The following RP1L1 variants were observed in gnomAD, a reference collection of about 807,000 sequenced individuals.
RP1L1 encodes RP1 like 1, also known as retinitis pigmentosa 1-like 1 protein.
In RP1L1, 27 loss-of-function variants were observed where a neutral mutation model predicts 15.7. That is an observed-to-expected ratio of 1.72 (90% CI 1.27 to 2.38). RP1L1 has a LOEUF of 2.38. RP1L1 is among the 30% of genes most tolerant of loss of function. RP1L1 has a pLI of 0.00. For synonymous variants in RP1L1, 1,813 were observed against 1,276.7 expected (o/e 1.42, Z -8.96); for missense variants, 4,798 against 3,075.9 (o/e 1.56, Z -13.24).
intron 2 of RP1L1, chr8:10,621,591 G>A (rs978209808): frequency 4.9e-6 from 2 of 411,518 alleles, no homozygotes; most frequent in Non-Finnish European, 9.9e-6. Context: ...CTCCCAAAGT[G>A]CTGGGATTAC....
intron 1 of RP1L1, among the ~76,000 whole-genome samples, chr8:10,651,618 A>G (rs1257774609): frequency 6.6e-6 from 1 of 151,942 alleles, no homozygotes; most frequent in Admixed American, 6.6e-5. Flanking sequence ...TCCCAGCTAC[A>G]GGAGGCTGAG....
chr8:10,625,896 G>C (rs1585984081), intron 1 of RP1L1, among the ~76,000 whole-genome samples: 1 of 152,230 alleles, frequency 6.6e-6, no homozygotes, highest in East Asian at 1.9e-4. Flanking sequence ...AGTGCAGGTG[G>C]GGGGCAGGCA....
intron 1 of RP1L1, among the ~76,000 whole-genome samples, chr8:10,638,594 A>G (rs1798363772): frequency 6.6e-6 from 1 of 152,106 alleles, no homozygotes; most frequent in South Asian, 2.1e-4. Context: ...AAAATAAAAT[A>G]TATAAAAAAT....
At position 10,645,304 on chromosome 8, in the gene RP1L1, G is replaced by T. The variant is rs144716602; in HGVS notation, c.-20+9594C>A. Among the ~76,000 whole-genome samples, 790 of 152,298 alleles carry T rather than the reference G, an allele frequency of 5.2e-3. 3 individuals are homozygous for T. Among genetic ancestry groups the T allele is most frequent in the African/African-American group, 0.018 (739 of 41,548 alleles). ...ATCGCCCCACTGCACTCCAGACTGGGCTACAGAGTGAGACCCTGTAACAAA... is the reference window on the plus strand; with the variant it reads ...ATCGCCCCACTGCACTCCAGACTGGTCTACAGAGTGAGACCCTGTAACAAA... On this transcript the variant is annotated intron_variant, in intron 1 of 3. Coordinates refer to ENST00000382483, the MANE Select transcript of RP1L1 (RefSeq NM_178857.6).
intron 1 of RP1L1, among the ~76,000 whole-genome samples, chr8:10,625,097 T>A (rs1450647166): frequency 6.6e-6 from 1 of 152,330 alleles, no homozygotes; most frequent in South Asian, 2.1e-4. Flanking sequence ...AATCAGCTGA[T>A]ACGCAAAATC....
At chr8:10,642,771 T>A (rs1214998364) in intron 1 of RP1L1, among the ~76,000 whole-genome samples, 4 of 152,172 alleles carry the variant, frequency 2.6e-5, no homozygotes, top group Non-Finnish European at 5.9e-5. Context: ...GGGTAATAAG[T>A]AAGTCTGCAC....
chr8:10,629,957 G>A (rs1299776880), intron 1 of RP1L1, among the ~76,000 whole-genome samples: 2 of 152,152 alleles, frequency 1.3e-5, no homozygotes, highest in African/African-American at 4.8e-5. Flanking sequence ...AGGCATCAAG[G>A]TGGCTCAGGG....
chr8:10,611,398 G>T lies in RP1L1; in HGVS notation c.2700C>A (p.Ser900=). 1 of 1,601,404 alleles carries T rather than the reference G, an allele frequency of 6.2e-7. No homozygotes were observed. The highest frequency in any genetic ancestry group is 8.5e-7 in the Non-Finnish European group (1 of 1,175,684). The change falls in exon 4 of 4, where the codon TCC becomes TCA. Residue 900 remains serine (S), a synonymous_variant. Coordinates refer to ENST00000382483, the MANE Select transcript of RP1L1 (RefSeq NM_178857.6). ...EGTRQPGPTP[S]PGPNSGASRR... Reference sequence around the variant, plus strand: ...TTGATGCCCCTGAATTGGGGCCTGGGGACGGCGTGGGGCCTGGCTGGCGTG... The same window carrying T: ...TTGATGCCCCTGAATTGGGGCCTGGTGACGGCGTGGGGCCTGGCTGGCGTG...
chr8:10,625,704 C>G (rs1798145524), intron 1 of RP1L1, among the ~76,000 whole-genome samples: 1 of 152,194 alleles, frequency 6.6e-6, no homozygotes, highest in African/African-American at 2.4e-5. Context: ...GCTTCTGAAC[C>G]ATCCAGGTGC....
intron 1 of RP1L1, among the ~76,000 whole-genome samples, chr8:10,646,281 C>T (rs185310924): frequency 8.5e-5 from 13 of 152,296 alleles, no homozygotes; most frequent in African/African-American, 3.1e-4. Context: ...CGTGGAGGCT[C>T]AGAGGTTTAA....
rs1335016941 is a variant in RP1L1, at chr8:10,622,524, T to C, written c.609+69A>G. 6.2e-6 allele frequency: 10 copies of C among 1,602,098 alleles called. No homozygotes were observed. The East Asian group carries it at 1.8e-4, about 29-fold the overall frequency. On this transcript the variant is annotated intron_variant, in intron 2 of 3. Transcript: ENST00000382483. ...TCTTTTTAAGGAATAATCTCTCTCT[T>C]CCATGTGAGTATTTTGACCTCAGGT...
intron 2 of RP1L1, 41 bp from the exon 3 acceptor site, chr8:10,616,628 G>A: frequency 6.3e-7 from 1 of 1,590,398 alleles, no homozygotes; most frequent in East Asian, 2.2e-5. Flanking sequence ...CTGGGCTGCA[G>A]AAACCCCTCT....
At position 10,610,862 on chromosome 8, in the gene RP1L1, A is replaced by T; in HGVS notation, c.3236T>A (p.Val1079Glu). ...CCTCATGATCTGCGTGGAGGCAGAC[A>T]CCCGGCCAGGAAGTGCCCGCAGGCT... ...RVSLRALPGR[V>E]SASTQIMRAL... The change falls in exon 4 of 4, where the codon GTG becomes GAG. Residue 1079 changes from valine to glutamate, a missense_variant. Physicochemically the swap from Val to Glu is moderately radical, Grantham distance 121. Coordinates refer to ENST00000382483, the MANE Select transcript of RP1L1 (RefSeq NM_178857.6). The T allele has an allele frequency of 1.2e-6, 2 of 1,608,282 alleles. No individual in the cohort carries two copies. Among genetic ancestry groups the T allele is most frequent in the Non-Finnish European group, 8.5e-7 (1 of 1,176,990 alleles).
chr8:10,631,362 A>ACGCACACACGC lies in RP1L1; in HGVS notation c.-19-8143_-19-8142insGCGTGTGTGCG, dbSNP rs1563135375. On this transcript the variant is annotated intron_variant, in intron 1 of 3. Coordinates refer to ENST00000382483, the MANE Select transcript of RP1L1 (RefSeq NM_178857.6). ...ACACACACGCACACACATGCACACA[A>ACGCACACACGC]ACACACATGCACACAAACACACATG... Among the ~76,000 whole-genome samples, 252 of 46,158 alleles carry ACGCACACACGC rather than the reference A, an allele frequency of 5.5e-3. 7 individuals carry two copies. Among genetic ancestry groups the ACGCACACACGC allele is most frequent in the African/African-American group, 0.018 (238 of 13,032 alleles). 30.3% of individuals were successfully genotyped at this position (46,158 alleles called of 152,430 possible).
At position 10,623,207 on chromosome 8, in the gene RP1L1, G is replaced by A; in HGVS notation, c.-6C>T. On this transcript the variant is annotated 5_prime_UTR_variant, in exon 2 of 4. Transcript: ENST00000382483. The stretch of plus-strand genomic sequence containing the variant: ...TTCCTGGGGGTGCTGTTCATGGTGT[G>A]GGGGCTCTGGCCGCTGTAACAGGGC... 1 of 1,545,386 alleles carries A rather than the reference G, an allele frequency of 6.5e-7. No individual in the cohort carries two copies. The highest frequency in any genetic ancestry group is 1.3e-5 in the South Asian group (1 of 79,818).
At chr8:10,649,606 C>T (rs1364266155) in intron 1 of RP1L1, among the ~76,000 whole-genome samples, 11 of 152,176 alleles carry the variant, frequency 7.2e-5, no homozygotes, top group Admixed American at 2.0e-4. Flanking sequence ...TGGCCAGGTG[C>T]GGTGGCTCAT....
At position 10,611,158 on chromosome 8, in the gene RP1L1, T is replaced by C. The variant is rs1234317414; in HGVS notation, c.2940A>G (p.Thr980=). The C allele has an allele frequency of 1.9e-6, 3 of 1,612,964 alleles. No homozygotes were observed. The highest frequency in any genetic ancestry group is 1.3e-5 in the African/African-American group (1 of 75,062). ...CTCTCAGGCCACCCCCAGCTGCACC[T>C]GTGGTCTCGTCCGCCAACTCATATG... ...LMTYELADET[T]GAAGGGLRGP... The change falls in exon 4 of 4, where the codon ACA becomes ACG. Residue 980 remains threonine, a synonymous_variant. Coordinates refer to ENST00000382483, the MANE Select transcript of RP1L1 (RefSeq NM_178857.6).
chr8:10,612,222 A>G lies in RP1L1; in HGVS notation c.1876T>C (p.Ser626Pro), dbSNP rs931556811. Residue 626 changes from serine to proline, a missense_variant, in exon 4 of 4, where the codon TCC becomes CCC. Transcript: ENST00000382483. ...GATGAAGTGCAGGTGGAAGGGGTGG[A>G]AGAGGCTCCTTCCGAGTCCCAGGAG... Reference protein sequence around the residue: ...SCSWDSEGASSTPSTCTSSQQ... With the variant: ...SCSWDSEGASPTPSTCTSSQQ... The G allele has an allele frequency of 6.2e-6, 10 of 1,613,082 alleles. No individual in the cohort carries two copies. The highest frequency in any genetic ancestry group is 8.5e-6 in the Non-Finnish European group (10 of 1,179,962).
chr8:10,610,517 G>A lies in RP1L1; in HGVS notation c.3581C>T (p.Thr1194Met), dbSNP rs552391475. ...GTCCACACCAGAGGAGGATGTGGGCGTGAAGTTCTCCGTCATGGCATGGGA... is the reference window on the plus strand; with the variant it reads ...GTCCACACCAGAGGAGGATGTGGGCATGAAGTTCTCCGTCATGGCATGGGA... ...LGSHAMTENF[T>M]PTSSSGVDIS... The change falls in exon 4 of 4, where the codon ACG becomes ATG. Residue 1194 changes from threonine to methionine, a missense_variant. Physicochemically the swap from Thr to Met is moderately conservative, Grantham distance 81 (BLOSUM62 -1). Coordinates refer to ENST00000382483, the MANE Select transcript of RP1L1 (RefSeq NM_178857.6). 60 of 1,613,784 alleles carry A rather than the reference G, an allele frequency of 3.7e-5. 1 individual carries two copies. In the South Asian group the frequency reaches 5.5e-4, roughly 15 times the overall value.
Sources: gnomAD v4.1 joint callset for allele counts (sites outside exome capture counted in the v4.1 genomes callset) on GRCh38, gnomAD v4.1.1 for gene constraint, MANE v1.5 for transcripts, NCBI Gene and HGNC (gene_info 2026-07-23, HGNC 2026-07-21) for gene names.